KDM6B: variants seen among roughly 807,000 people sequenced by gnomAD.
KDM6B encodes lysine-specific demethylase 6B.
KDM6B carries 22 observed loss-of-function variants against 150.4 expected under a neutral mutation model. That is an observed-to-expected ratio of 0.15 (90% CI 0.10 to 0.21). The LOEUF (loss-of-function observed/expected upper bound fraction) is 0.21. KDM6B is among the 10% of genes least tolerant of loss of function. The pLI is 1.00. For missense variants in KDM6B, 1,984 were observed against 2,234.3 expected, an observed-to-expected ratio of 0.89 and a Z score of 2.26; for synonymous variants, 1,148 against 921.1, an observed-to-expected ratio of 1.25 and a Z score of -4.46.
rs942125646 is a variant in KDM6B, at chr17:7,841,804, C to T, written c.-269+1780C>T. On this transcript the variant is annotated intron_variant, in intron 2 of 23. Transcript: ENST00000448097. ...TGGGGGGCGGGGAGGGGCCGGCAGC[C>T]GGGGGAAGGCTGGGGAAGGGAATCC... Among the ~76,000 whole-genome samples, 4 of 152,030 alleles carry T rather than the reference C, an allele frequency of 2.6e-5. No individual in the cohort carries two copies. In the East Asian group the frequency reaches 7.7e-4, roughly 29 times the overall value.
rs2078494188 is a variant in KDM6B, at chr17:7,844,708, T to G, written c.-268-193T>G. ...CGGAGCATGCGACTAACCGGCCTCA[T>G]CCGCATGCGTCTTGTCCTGGCTGCC... On this transcript the variant is annotated intron_variant, in intron 2 of 23. Coordinates refer to ENST00000448097, the MANE Select transcript of KDM6B (RefSeq NM_001348716.2). This position sits in a 1 kb window ranked among gnomAD's most constrained non-coding sequence, Gnocchi z 5.9. Among the ~76,000 whole-genome samples, 1 of 152,142 alleles carries G rather than the reference T, an allele frequency of 6.6e-6. No homozygotes were observed. The highest frequency in any genetic ancestry group is 1.5e-5 in the Non-Finnish European group (1 of 68,010).
Position 7,852,077 on chromosome 17 carries a change from CCTGCG to C in KDM6B, c.4280+14_4280+18del. 3 of 1,613,814 alleles carry C rather than the reference CCTGCG, an allele frequency of 1.9e-6. No individual in the cohort carries two copies. Among genetic ancestry groups the C allele is most frequent in the Non-Finnish European group, 2.5e-6 (3 of 1,179,834 alleles). On this transcript the variant is annotated intron_variant, in intron 19 of 23. Transcript: ENST00000448097. Reference sequence around the variant, plus strand: ...GCTTTCTGTGATCGGTGCGTGCCGTCCTGCGCAAGTCAGACTGCCGCGTCCCCGCC... The same window carrying C: ...GCTTTCTGTGATCGGTGCGTGCCGTCCAAGTCAGACTGCCGCGTCCCCGCC...
chr17:7,851,561 T>C lies in KDM6B; in HGVS notation c.4016+12T>C. 1 of 1,613,588 alleles carries C rather than the reference T, an allele frequency of 6.2e-7. No homozygotes were observed. Among genetic ancestry groups the C allele is most frequent in the Non-Finnish European group, 8.5e-7 (1 of 1,179,830 alleles). ...TCTGATGCTAAGCGGTCAGTGGGGC[T>C]GAGGCCAGGGAAGTTGGGGCAGGAG... On this transcript the variant is annotated intron_variant, in intron 17 of 23. Transcript: ENST00000448097.
Position 7,847,086 on chromosome 17 carries a change from C to T in KDM6B, c.910-19C>T. 1 of 1,611,530 alleles carries T rather than the reference C, an allele frequency of 6.2e-7. No individual in the cohort carries two copies. Among genetic ancestry groups the T allele is most frequent in the Non-Finnish European group, 8.5e-7 (1 of 1,178,168 alleles). On this transcript the variant is annotated intron_variant, in intron 10 of 23. Coordinates refer to ENST00000448097, the MANE Select transcript of KDM6B (RefSeq NM_001348716.2). ...ACGCTCTCTATTCCTCATCCTGCAT[C>T]CCTGTTTATCTCCTATAGGAGCAGC...
At chr17:7,851,906 A>C in intron 18 of KDM6B, 45 bp from the exon 19 acceptor site, 1 of 1,606,960 alleles carries the variant, frequency 6.2e-7, no homozygotes, top group Non-Finnish European at 8.5e-7. Context: ...CGGGGATCGC[A>C]GTTCCGACCT....
At chr17:7,851,276 G>A in intron 15 of KDM6B, 50 bp downstream of exon 15, 8 of 1,613,540 alleles carry the variant, frequency 5.0e-6, no homozygotes, top group Non-Finnish European at 5.9e-6. Context: ...GGCTGCGGTG[G>A]GAGGGCTCTC....
At position 7,846,223 on chromosome 17, in the gene KDM6B, C is replaced by T. The variant is rs773758995; in HGVS notation, c.382C>T (p.Arg128Cys). 12 of 1,614,020 alleles carry T rather than the reference C, an allele frequency of 7.4e-6. No homozygotes were observed. Among genetic ancestry groups the T allele is most frequent in the Middle Eastern group, 1.6e-4 (1 of 6,084 alleles). ...ESEHDSEEAT[R>C]CYHSALRYGG... ...AGAGCACGATAGTGAGGAGGCCACA[C>T]GCTGCTACCACAGCGCCCTTCGATA... Residue 128 changes from arginine to cysteine, a missense_variant, in exon 7 of 24, where the codon CGC (arginine) becomes TGC (cysteine). This residue lies in a region of KDM6B where 337 missense variants were observed against 323.9 expected (regional missense o/e 1.04). Transcript: ENST00000448097.
At position 7,847,755 on chromosome 17, in the gene KDM6B, G is replaced by A. The variant is rs748081133; in HGVS notation, c.1467G>A (p.Pro489=). 3.1e-5 allele frequency: 47 copies of A among 1,534,200 alleles called. No individual in the cohort carries two copies. In the East Asian group the frequency reaches 8.0e-4, roughly 26 times the overall value. ...PPPPPAWLKG[P]ACRAAREDGE... The stretch of plus-strand genomic sequence containing the variant: ...CACCCCCTGCCTGGTTGAAGGGTCC[G>A]GCCTGCCGGGCAGCCCGAGAGGATG... Residue 489 remains proline, a synonymous_variant, in exon 12 of 24, where the codon CCG becomes CCA. Transcript: ENST00000448097.
At position 7,844,402 on chromosome 17, in the gene KDM6B, G is replaced by C. The variant is rs753345399; in HGVS notation, c.-268-499G>C. 6.6e-6 allele frequency: 1 copy of C among 152,618 alleles called. No individual in the cohort carries two copies. The highest frequency in any genetic ancestry group is 1.5e-5 in the Non-Finnish European group (1 of 68,328). The allele number at this position is 152,618 out of a possible 1,614,324, so 9.5% of individuals were successfully genotyped here. A position where few individuals can be genotyped will look rare whatever the true frequency, so the allele number is the denominator to read the frequency against. On this transcript the variant is annotated intron_variant, in intron 2 of 23. Transcript: ENST00000448097. The surrounding 1 kb of genome is among the most constrained non-coding windows in gnomAD (Gnocchi z 5.9). ...AGGTTTGGGTCGGGGTCAGGCGTTGGGGGTGGAGCGCCGATAGCGGCGCGG... is the reference window on the plus strand; with the variant it reads ...AGGTTTGGGTCGGGGTCAGGCGTTGCGGGTGGAGCGCCGATAGCGGCGCGG...
In KDM6B at chr17:7,848,306, T is replaced by C. The variant is rs201959305; in HGVS notation, c.2018T>C (p.Phe673Ser). The C allele has an allele frequency of 4.3e-6, 7 of 1,612,468 alleles. No homozygotes were observed. The African/African-American group carries it at 6.7e-5, about 15-fold the overall frequency. ...LPARGPRLFDFPPTPLEDQFE... is the reference protein window; with the variant it reads ...LPARGPRLFDSPPTPLEDQFE... ...GCCCGAGGCCCTCGACTCTTTGATTTTCCCCCCACTCCGCTGGAGGACCAG... is the reference window on the plus strand; with the variant it reads ...GCCCGAGGCCCTCGACTCTTTGATTCTCCCCCCACTCCGCTGGAGGACCAG... Residue 673 changes from phenylalanine (F) to serine (S), a missense_variant, in exon 12 of 24, where the codon TTT becomes TCT. Coordinates refer to ENST00000448097, the MANE Select transcript of KDM6B (RefSeq NM_001348716.2).
chr17:7,852,382 C>T lies in KDM6B; in HGVS notation c.4468+46C>T, dbSNP rs1302303435. 1.9e-6 allele frequency: 3 copies of T among 1,612,004 alleles called. No homozygotes were observed. In the Admixed American group the frequency reaches 5.0e-5, roughly 27 times the overall value. On this transcript the variant is annotated intron_variant, in intron 20 of 23. Coordinates refer to ENST00000448097, the MANE Select transcript of KDM6B (RefSeq NM_001348716.2). ...TTGGCGTGGTGTGGCGCCTCAGCGG[C>T]AAGGGCCTGGGAGGCTGGGGCTTGG...
In KDM6B at chr17:7,846,580, A is replaced by C. The variant is rs1404611350; in HGVS notation, c.551A>C (p.His184Pro). Residue 184 changes from histidine (H) to proline (P), a missense_variant and splice_region_variant, in exon 9 of 24, where the codon CAC becomes CCC. Physicochemically the swap from His to Pro is moderately conservative, Grantham distance 77. Around this residue, in one of 13 missense-constraint regions of KDM6B, gnomAD observed 337 missense variants for 323.9 expected, o/e 1.04. Transcript: ENST00000448097. ...EQVWNLLHLE[H>P]KRNYGAKRGG... ...TCTCTTCTCTCTTTTTGTTCTCAGC[A>C]CAAACGGAACTATGGAGCCAAGCGG... 1 of 1,613,914 alleles carries C rather than the reference A, an allele frequency of 6.2e-7. No homozygotes were observed. The highest frequency in any genetic ancestry group is 8.5e-7 in the Non-Finnish European group (1 of 1,179,992).
In KDM6B at chr17:7,853,146, T is replaced by G. The variant is rs1315829053; in HGVS notation, c.4737+20T>G. On this transcript the variant is annotated intron_variant, in intron 22 of 23. Coordinates refer to ENST00000448097, the MANE Select transcript of KDM6B (RefSeq NM_001348716.2). The stretch of plus-strand genomic sequence containing the variant: ...TGCGATGTGAGTGGGCCGGCTCTGC[T>G]GCTCTCCCTGAGTGTCCACAGTGGC... 6.2e-7 allele frequency: 1 copy of G among 1,614,086 alleles called. No homozygotes were observed. Among genetic ancestry groups the G allele is most frequent in the East Asian group, 2.2e-5 (1 of 44,892 alleles).
chr17:7,847,352 C>T lies in KDM6B; in HGVS notation c.1157C>T (p.Ala386Val), dbSNP rs75472347. ...GCAACCACCGCCTGCGTGCCTTACGCCCCTTCCCGGCCCCCTGGCCTCCCC... is the reference window on the plus strand; with the variant it reads ...GCAACCACCGCCTGCGTGCCTTACGTCCCTTCCCGGCCCCCTGGCCTCCCC... The part of the protein sequence containing the change: ...PAATTACVPY[A>V]PSRPPGLPGT... The change falls in exon 11 of 24, where the codon GCC (alanine) becomes GTC (valine). Residue 386 changes from alanine (A) to valine (V), a missense_variant. Coordinates refer to ENST00000448097, the MANE Select transcript of KDM6B (RefSeq NM_001348716.2). 8.7e-4 allele frequency: 1,402 copies of T among 1,612,032 alleles called. 14 individuals carry two copies. The African/African-American group carries it at 0.017, about 19-fold the overall frequency.
intron 1 of KDM6B, among the ~76,000 whole-genome samples, chr17:7,835,723 G>A (rs998415494): frequency 1.2e-4 from 19 of 152,054 alleles, no homozygotes; most frequent in Non-Finnish European, 2.5e-4. Flanking sequence ...GGACCCGCAC[G>A]TGCACTCCCA....
At position 7,849,926 on chromosome 17, in the gene KDM6B, C is replaced by T. The variant is rs147319715; in HGVS notation, c.3546C>T (p.Asn1182=). The change falls in exon 13 of 24, where the codon AAC becomes AAT. Residue 1182 remains asparagine (N), a synonymous_variant. Coordinates refer to ENST00000448097, the MANE Select transcript of KDM6B (RefSeq NM_001348716.2). ...AGAAGCTGCCCCGGGAAAAACTCAA[C>T]CCCCCTACACCCAGCATCTATGTAT... The part of the protein sequence containing the change: ...TEEKLPREKL[N]PPTPSIYLES... 1.5e-5 allele frequency: 24 copies of T among 1,613,494 alleles called. No homozygotes were observed. The highest frequency in any genetic ancestry group is 1.3e-4 in the Admixed American group (8 of 60,010).
At position 7,851,333 on chromosome 17, in the gene KDM6B, G is replaced by A. The variant is rs1555594119; in HGVS notation, c.3883G>A (p.Glu1295Lys). 1 of 1,613,998 alleles carries A rather than the reference G, an allele frequency of 6.2e-7. No individual in the cohort carries two copies. The highest frequency in any genetic ancestry group is 8.5e-7 in the Non-Finnish European group (1 of 1,180,036). Residue 1295 changes from glutamate to lysine, a missense_variant, in exon 16 of 24, where the codon GAG becomes AAG. Physicochemically the swap from Glu to Lys is moderately conservative, Grantham distance 56 (BLOSUM62 1). Coordinates refer to ENST00000448097, the MANE Select transcript of KDM6B (RefSeq NM_001348716.2). The part of the protein sequence containing the change: ...ASSFQESLQE[E>K]KESEDEESEE... ...TGCCTACCCTCTGGCTGAACAGGAG[G>A]AGAAGGAGAGTGAGGATGAGGAGTC...
chr17:7,845,525 G>T, intron 4 of KDM6B, 25 bp from the exon 5 acceptor site: 1 of 1,613,974 alleles, frequency 6.2e-7, no homozygotes, highest in South Asian at 1.1e-5. Flanking sequence ...TCCAGTAAGA[G>T]CATAATTTCT....
chr17:7,850,054 C>A lies in KDM6B; in HGVS notation c.3568-18C>A. On this transcript the variant is annotated intron_variant, in intron 13 of 23. Coordinates refer to ENST00000448097, the MANE Select transcript of KDM6B (RefSeq NM_001348716.2). ...CTGGGCCAGGGCTCTGACCCCAGCT[C>A]TCCTGGTCATGTCTCAGCTGGAGAG... 15 of 1,613,568 alleles carry A rather than the reference C, an allele frequency of 9.3e-6. No homozygotes were observed. Among genetic ancestry groups the A allele is most frequent in the Non-Finnish European group, 1.3e-5 (15 of 1,179,820 alleles).
Sources: gnomAD v4.1 joint callset for allele counts (sites outside exome capture counted in the v4.1 genomes callset) on GRCh38, gnomAD v4.1.1 for gene constraint, gnomAD v4.1.1 regional missense constraint, Gnocchi (gnomAD v3.1) non-coding constraint, MANE v1.5 for transcripts, NCBI Gene and HGNC (gene_info 2026-07-23, HGNC 2026-07-21) for gene names.